Variants in FRAS1 observed in about 807,000 individuals in gnomAD.
FRAS1 encodes the protein Fraser extracellular matrix complex subunit 1.
FRAS1 carries 290 observed loss-of-function variants against 435.2 expected under a neutral mutation model. That is an observed-to-expected ratio of 0.67 (90% CI 0.61 to 0.73). FRAS1 has a LOEUF of 0.73. Among genes scored for constraint, FRAS1 ranks in the 30% least tolerant of loss-of-function variants. The pLI is 0.00. For synonymous variants in FRAS1, 1,800 were observed against 1,851.0 expected, an observed-to-expected ratio of 0.97 and a Z score of 0.71; for missense variants, 4,860 against 5,001.5, an observed-to-expected ratio of 0.97 and a Z score of 0.85.
intron 2 of FRAS1, among the ~76,000 whole-genome samples, chr4:78,074,055 G>A (rs904247572): frequency 1.3e-5 from 2 of 151,350 alleles, no homozygotes; most frequent in African/African-American, 4.9e-5. Context: ...TACCCAGGAG[G>A]CTCTTGAGTT....
chr4:78,058,981 C>G (rs1003423275), intron 1 of FRAS1, among the ~76,000 whole-genome samples: 2 of 152,216 alleles, frequency 1.3e-5, no homozygotes, highest in Non-Finnish European at 2.9e-5. Context: ...GGAAGGGAGC[C>G]GGCGGGCTGG....
chr4:78,429,050 GTGTGTGTGTGTGTCTC>G (rs745574475), intron 35 of FRAS1, 29 bp from the exon 36 acceptor site: 1 of 1,522,832 alleles, frequency 6.6e-7, no homozygotes, highest in East Asian at 2.5e-5. Context: ...GTGTCTCTGT[GTGTGTGTGTGTGTCTC>G]TGTGTGTGTG....
intron 2 of FRAS1, among the ~76,000 whole-genome samples, chr4:78,195,004 G>A (rs949816140): frequency 2.0e-5 from 3 of 152,182 alleles, no homozygotes; most frequent in Non-Finnish European, 4.4e-5. Context: ...AGGTCCCTCA[G>A]CTGCAGGTCT....
intron 47 of FRAS1, among the ~76,000 whole-genome samples, chr4:78,460,963 C>T (rs1434156202): frequency 6.6e-6 from 1 of 152,158 alleles, no homozygotes; most frequent in Non-Finnish European, 1.5e-5. Flanking sequence ...TGAGCATCTA[C>T]TGTGTTCCAG....
intron 18 of FRAS1, among the ~76,000 whole-genome samples, chr4:78,326,409 T>C (rs1729719198): frequency 6.6e-6 from 1 of 151,946 alleles, no homozygotes. Flanking sequence ...AGCTACCAAG[T>C]GAGATAGGGA....
intron 2 of FRAS1, among the ~76,000 whole-genome samples, chr4:78,134,922 G>A (rs534952539): frequency 6.6e-6 from 1 of 152,154 alleles, no homozygotes; most frequent in African/African-American, 2.4e-5. Context: ...GCCTGACTAA[G>A]CTCAGAAGTC....
chr4:78,289,456 T>G (rs1162873824), intron 14 of FRAS1, among the ~76,000 whole-genome samples: 2 of 152,196 alleles, frequency 1.3e-5, no homozygotes, highest in African/African-American at 4.8e-5. Flanking sequence ...CACTGTACAT[T>G]AAGGCTTAGC....
Position 78,475,489 on chromosome 4 carries a change from T to C in FRAS1, c.7734T>C (p.Thr2578=). 6.2e-7 allele frequency: 1 copy of C among 1,613,932 alleles called. No individual in the cohort carries two copies. The highest frequency in any genetic ancestry group is 8.5e-7 in the Non-Finnish European group (1 of 1,179,844). ...AGSVSVTVQR[T]GNLNQYAIVL... ...CTGTCAGTGTCACGGTGCAGAGGAC[T>C]GGGAACCTGAACCAATATGCCATCG... The change falls in exon 54 of 74, where the codon ACT becomes ACC. Residue 2578 remains threonine, a synonymous_variant. Transcript: ENST00000512123.
intron 29 of FRAS1, 65 bp from the exon 30 acceptor site, chr4:78,400,669 G>A: frequency 1.4e-6 from 2 of 1,471,680 alleles, no homozygotes; most frequent in South Asian, 1.3e-5. Flanking sequence ...GATAACTTAT[G>A]TGTTTAAGGA....
At chr4:78,192,101 T>C (rs1014622673) in intron 2 of FRAS1, among the ~76,000 whole-genome samples, 3 of 152,236 alleles carry the variant, frequency 2.0e-5, no homozygotes, top group Admixed American at 2.0e-4. Flanking sequence ...TTTCGTATGT[T>C]GAACCAGCCT....
At position 78,513,522 on chromosome 4, in the gene FRAS1, G is replaced by A. The variant is rs758800314; in HGVS notation, c.10144G>A (p.Val3382Ile). The change falls in exon 65 of 74, where the codon GTT becomes ATT. Residue 3382 changes from valine to isoleucine, a missense_variant. Physicochemically the swap from Val to Ile is conservative, Grantham distance 29. Coordinates refer to ENST00000512123, the MANE Select transcript of FRAS1 (RefSeq NM_025074.7). Reference protein sequence around the residue: ...YRHQHVCSNLVTTYDLRGISE... With the variant: ...YRHQHVCSNLITTYDLRGISE... ...ACACCAGCACGTCTGCTCCAATTTA[G>A]TTACCACCTATGACCTGAGAGGCAT... 6.2e-7 allele frequency: 1 copy of A among 1,613,798 alleles called. No homozygotes were observed. Among genetic ancestry groups the A allele is most frequent in the South Asian group, 1.1e-5 (1 of 91,084 alleles).
intron 63 of FRAS1, among the ~76,000 whole-genome samples, chr4:78,509,324 C>A (rs1341004670): frequency 2.0e-5 from 3 of 152,214 alleles, no homozygotes; most frequent in African/African-American, 7.2e-5. Context: ...GGCTACTTGA[C>A]AAGGTCATTG....
chr4:78,268,820 G>A (rs1726501980), intron 9 of FRAS1, among the ~76,000 whole-genome samples: 2 of 152,210 alleles, frequency 1.3e-5, no homozygotes. Context: ...TAGGGAATAT[G>A]GGGATTAGCT....
At chr4:78,069,406 G>A (rs142264550) in intron 2 of FRAS1, among the ~76,000 whole-genome samples, 8 of 152,316 alleles carry the variant, frequency 5.3e-5, no homozygotes, top group Non-Finnish European at 1.0e-4. Context: ...TGTCTTGTGA[G>A]GATTCCTCTC....
intron 32 of FRAS1, among the ~76,000 whole-genome samples, 154 bp downstream of exon 32, chr4:78,413,239 G>A (rs1387933379): frequency 6.6e-6 from 1 of 152,198 alleles, no homozygotes; most frequent in East Asian, 1.9e-4. Context: ...ATTTCTCATT[G>A]ACTTGAAAAA....
At chr4:78,446,221 C>G in intron 42 of FRAS1, 5 of 996,814 alleles carry the variant, frequency 5.0e-6, no homozygotes, top group Non-Finnish European at 6.0e-6. Flanking sequence ...TACCCTCTGC[C>G]TTGGGAAAAT....
intron 4 of FRAS1, 41 bp downstream of exon 4, chr4:78,245,366 A>G (rs772355918): frequency 7.5e-7 from 1 of 1,337,588 alleles, no homozygotes; most frequent in African/African-American, 1.4e-5. Context: ...GTGTCTGCAG[A>G]TCTCTGACAA....
intron 2 of FRAS1, among the ~76,000 whole-genome samples, chr4:78,067,176 T>C (rs1740080218): frequency 6.6e-6 from 1 of 152,170 alleles, no homozygotes. Context: ...TTTTCATAAG[T>C]ATTCATATGT....
At chr4:78,466,896 T>G (rs2109847985) in intron 50 of FRAS1, among the ~76,000 whole-genome samples, 1 of 152,208 alleles carries the variant, frequency 6.6e-6, no homozygotes, top group South Asian at 2.1e-4. Context: ...AAGAGTGTGG[T>G]TTTTGCATCC....
Sources: gnomAD v4.1 joint callset for allele counts (sites outside exome capture counted in the v4.1 genomes callset) on GRCh38, gnomAD v4.1.1 for gene constraint, MANE v1.5 for transcripts, NCBI Gene and HGNC (gene_info 2026-07-23, HGNC 2026-07-21) for gene names.